Variants in ERCC6 observed in about 807,000 individuals in gnomAD.
ERCC6 encodes the protein DNA excision repair protein ERCC-6.
ERCC6 carries 116 observed loss-of-function variants against 158.7 expected under a neutral mutation model. The observed-to-expected ratio is 0.73, with a 90% CI of 0.63 to 0.85. The LOEUF (loss-of-function observed/expected upper bound fraction) is 0.85, where lower values mean the gene tolerates loss of function less well. Ranked by LOEUF, ERCC6 falls within the 40% of genes least tolerant of loss-of-function variation. The pLI is 0.00. For synonymous variants in ERCC6, 678 were observed against 659.3 expected, an observed-to-expected ratio of 1.03 and a Z score of -0.43; for missense variants, 1,698 against 1,799.4, an observed-to-expected ratio of 0.94 and a Z score of 1.02.
chr10:49,531,424 A>T (rs1052455888), intron 2 of ERCC6, among the ~76,000 whole-genome samples: 2 of 152,164 alleles, frequency 1.3e-5, no homozygotes, highest in African/African-American at 4.8e-5. Context: ...TCAAAACACA[A>T]ATTCAATCTT....
chr10:49,478,563 AAAAAG>A, intron 10 of ERCC6, 93 bp from the exon 11 acceptor site: 1 of 814,392 alleles, frequency 1.2e-6, no homozygotes, highest in African/African-American at 1.7e-5. Flanking sequence ...TTAAAAAAAA[AAAAAG>A]AATAACCAAC....
At chr10:49,472,837 A>G in intron 15 of ERCC6, 72 bp downstream of exon 15, 3 of 1,560,484 alleles carry the variant, frequency 1.9e-6, no homozygotes, top group Non-Finnish European at 2.6e-6. Flanking sequence ...ACATCAAAGG[A>G]CAGTCAAAAG....
chr10:49,528,866 T>C (rs922785565), intron 3 of ERCC6, among the ~76,000 whole-genome samples: 1 of 152,156 alleles, frequency 6.6e-6, no homozygotes, highest in African/African-American at 2.4e-5. Context: ...CCTTACACAC[T>C]GGGCAAATCC....
rs753649748 is a variant in ERCC6, at chr10:49,511,011, C to CAAAAAAAAAA, written c.1398-5009_1398-5000dup. Reference sequence around the variant, plus strand: ...AAGTTCTTAATTTAGAATCTTATAACAAAAAAAAAAAAAGATAAGGAGAAG... The same window carrying CAAAAAAAAAA: ...AAGTTCTTAATTTAGAATCTTATAACAAAAAAAAAAAAAAAAAAAAAAAGATAAGGAGAAG... On this transcript the variant is annotated intron_variant, in intron 5 of 20. Transcript: ENST00000355832. Among the ~76,000 whole-genome samples, 142 of 118,396 alleles carry CAAAAAAAAAA rather than the reference C, an allele frequency of 1.2e-3. 1 individual carries two copies. The highest frequency in any genetic ancestry group is 4.2e-3 in the African/African-American group (134 of 32,270). The allele number at this position is 118,396 out of a possible 152,430, so 77.7% of individuals were successfully genotyped here.
intron 18 of ERCC6, among the ~76,000 whole-genome samples, chr10:49,462,929 A>T (rs893602494): frequency 1.3e-5 from 2 of 152,224 alleles, no homozygotes; most frequent in East Asian, 1.9e-4. Flanking sequence ...ACAAACTTAC[A>T]TATGTGTTTA....
At chr10:49,493,517 A>G (rs1452879316) in intron 7 of ERCC6, among the ~76,000 whole-genome samples, 3 of 152,214 alleles carry the variant, frequency 2.0e-5, no homozygotes, top group Non-Finnish European at 4.4e-5. Flanking sequence ...TAACATCTAT[A>G]GTAACATAAA....
intron 5 of ERCC6, among the ~76,000 whole-genome samples, chr10:49,523,580 C>G (rs146773818): frequency 1.3e-5 from 2 of 152,304 alleles, no homozygotes; most frequent in East Asian, 3.9e-4. Context: ...TCTTTCTATG[C>G]CAAAGCTTAA....
downstream of ERCC6, among the ~76,000 whole-genome samples, chr10:49,451,789 TGAAA>T (rs1850422633): frequency 6.6e-6 from 1 of 152,208 alleles, no homozygotes; most frequent in Admixed American, 6.5e-5. Flanking sequence ...TCCTATTTCT[TGAAA>T]GAGTTTGAGA....
At chr10:49,452,359 T>C (rs1850430431), downstream of ERCC6, among the ~76,000 whole-genome samples, 1 of 152,046 alleles carries the variant, frequency 6.6e-6, no homozygotes, top group South Asian at 2.1e-4. Context: ...GGTCATTTAG[T>C]AGTGTGTTGT....
intron 5 of ERCC6, among the ~76,000 whole-genome samples, chr10:49,517,851 T>C (rs2132605205): frequency 6.6e-6 from 1 of 152,320 alleles, no homozygotes; most frequent in East Asian, 1.9e-4. Flanking sequence ...GCCAGGCTTA[T>C]TTCTTGAGAA....
At chr10:49,499,641 G>A (rs1276690679) in intron 7 of ERCC6, among the ~76,000 whole-genome samples, 6 of 152,132 alleles carry the variant, frequency 3.9e-5, no homozygotes, top group Admixed American at 3.9e-4. Context: ...TCTGGGTTCA[G>A]TATGATGAAA....
chr10:49,476,082 T>C (rs182610356), intron 12 of ERCC6, 133 bp downstream of exon 12: 48 of 717,024 alleles, frequency 6.7e-5, no homozygotes, highest in African/African-American at 5.6e-4. Flanking sequence ...ACATCTACCA[T>C]GCGGGACTTC....
At chr10:49,492,958 C>G (rs565069992) in intron 8 of ERCC6, among the ~76,000 whole-genome samples, 159 bp downstream of exon 8, 1 of 151,926 alleles carries the variant, frequency 6.6e-6, no homozygotes, top group Non-Finnish European at 1.5e-5. Flanking sequence ...TCTGAAAACA[C>G]AGAGCTCTAA....
chr10:49,442,216 G>T, the ERCC6 span, among the ~76,000 whole-genome samples: 1 of 152,200 alleles, frequency 6.6e-6, no homozygotes. Flanking sequence ...AGTTACGCAC[G>T]GGTGAGCTGC....
chr10:49,508,817 C>A (rs1358448516), intron 5 of ERCC6, among the ~76,000 whole-genome samples: 2 of 152,036 alleles, frequency 1.3e-5, no homozygotes, highest in Non-Finnish European at 2.9e-5. Context: ...ACAAGTACAC[C>A]ACAACACACT....
At chr10:49,472,130 A>T (rs1315250794) in intron 16 of ERCC6, among the ~76,000 whole-genome samples, 1 of 152,346 alleles carries the variant, frequency 6.6e-6, no homozygotes, top group East Asian at 1.9e-4. Context: ...GTTTACATGT[A>T]TGTGATTCTT....
chr10:49,516,565 G>A lies in ERCC6; in HGVS notation c.1397+7468C>T, dbSNP rs531735337. 4 of 1,613,816 alleles carry A rather than the reference G, an allele frequency of 2.5e-6. No homozygotes were observed. In the Admixed American group the frequency reaches 6.7e-5, roughly 27 times the overall value. On this transcript the variant is annotated intron_variant, in intron 5 of 20. Transcript: ENST00000355832. ...TAACCACTCAGAAAAATAATTCCCA[G>A]AAAACATTTGAATTCAGAGCTAGTC...
Position 49,502,327 on chromosome 10 carries a change from T to G in ERCC6, c.1527-1631A>C, listed in dbSNP as rs1027274009. ...ATAATACACACACTGGATATGCACC[T>G]TGGAGAAAAGAACTAAAAATCAAAA... On this transcript the variant is annotated intron_variant, in intron 6 of 20. Coordinates refer to ENST00000355832, the MANE Select transcript of ERCC6 (RefSeq NM_000124.4). The G allele has an allele frequency of 5.3e-5, 8 of 152,300 alleles. No individual in the cohort carries two copies. In the East Asian group the frequency reaches 1.5e-3, roughly 29 times the overall value. The allele number at this position is 152,300 out of a possible 1,614,324, so 9.4% of individuals were successfully genotyped here.
intron 10 of ERCC6, among the ~76,000 whole-genome samples, chr10:49,481,943 T>C (rs1052369143): frequency 1.3e-5 from 2 of 152,182 alleles, no homozygotes; most frequent in African/African-American, 4.8e-5. Flanking sequence ...GACTACCCTG[T>C]AGCCTGAGGA....
Sources: gnomAD v4.1 joint callset for allele counts (sites outside exome capture counted in the v4.1 genomes callset) on GRCh38, gnomAD v4.1.1 for gene constraint, MANE v1.5 for transcripts, NCBI Gene and HGNC (gene_info 2026-07-23, HGNC 2026-07-21) for gene names.